The following DOCK3 variants were observed in gnomAD, a reference collection of about 807,000 sequenced individuals.
The protein encoded by DOCK3 is dedicator of cytokinesis protein 3.
DOCK3 carries 60 observed loss-of-function variants against 265.6 expected under a neutral mutation model. The ratio of observed to expected loss-of-function variants is 0.23; its 90% CI spans 0.18 to 0.28. The LOEUF (loss-of-function observed/expected upper bound fraction) is 0.28. Ranked by LOEUF, DOCK3 falls within the 10% of genes least tolerant of loss-of-function variation. DOCK3 has a pLI of 1.00. For synonymous variants in DOCK3, 881 were observed against 938.0 expected (o/e 0.94, Z 1.11); for missense variants, 1,981 against 2,594.3 (o/e 0.76, Z 5.14).
intron 2 of DOCK3, among the ~76,000 whole-genome samples, chr3:50,815,549 C>T (rs1415569075): frequency 6.6e-6 from 1 of 152,064 alleles, no homozygotes; most frequent in African/African-American, 2.4e-5. Context: ...TTTTCTTGGT[C>T]AGTTTTCTAA....
intron 9 of DOCK3, among the ~76,000 whole-genome samples, chr3:51,116,581 C>T (rs886105650): frequency 6.7e-6 from 1 of 149,818 alleles, no homozygotes; most frequent in Non-Finnish European, 1.5e-5. Context: ...GATATTGATT[C>T]TTCCTATCCA....
intron 5 of DOCK3, among the ~76,000 whole-genome samples, chr3:50,998,885 T>C (rs946629116): frequency 6.6e-6 from 1 of 152,232 alleles, no homozygotes; most frequent in African/African-American, 2.4e-5. Flanking sequence ...AGAAGTTATT[T>C]CCTTTGGACA....
chr3:50,782,289 A>ATTTTTTTTTTTTTTTTTTTTT (rs71084112), intron 2 of DOCK3, among the ~76,000 whole-genome samples: 1 of 110,042 alleles, frequency 9.1e-6, no homozygotes, highest in Non-Finnish European at 1.7e-5. Flanking sequence ...AGTACCTGTT[A>ATTTTTTTTTTTTTTTTTTTTT]TTTTTTTTTT....
chr3:50,686,551 T>C (rs572663752), intron 1 of DOCK3, among the ~76,000 whole-genome samples: 1 of 152,296 alleles, frequency 6.6e-6, no homozygotes, highest in African/African-American at 2.4e-5. Context: ...CAGACTCTTT[T>C]GAAAGCTGAG....
chr3:51,109,264 T>C (rs2083416656), intron 9 of DOCK3, among the ~76,000 whole-genome samples: 1 of 152,158 alleles, frequency 6.6e-6, no homozygotes, highest in Non-Finnish European at 1.5e-5. Context: ...GACAACTTGC[T>C]CCTGAATGAC....
At chr3:50,822,945 A>G (rs574972782) in intron 2 of DOCK3, among the ~76,000 whole-genome samples, 15 of 152,320 alleles carry the variant, frequency 9.8e-5, no homozygotes, top group Admixed American at 9.8e-4. Context: ...TCTTGTAGCT[A>G]TAAAGACTTC....
chr3:50,993,629 G>A (rs1403181434), intron 5 of DOCK3, among the ~76,000 whole-genome samples: 3 of 152,090 alleles, frequency 2.0e-5, no homozygotes, highest in Non-Finnish European at 4.4e-5. Flanking sequence ...TCACCATCTG[G>A]TTCTCTATAG....
chr3:50,707,343 A>G (rs1416852823), intron 1 of DOCK3, among the ~76,000 whole-genome samples: 1 of 151,914 alleles, frequency 6.6e-6, no homozygotes, highest in Non-Finnish European at 1.5e-5. Context: ...AGGCTGAGGC[A>G]TGAGAATCAC....
intron 12 of DOCK3, among the ~76,000 whole-genome samples, chr3:51,169,028 A>G (rs1560154758): frequency 6.6e-6 from 1 of 152,230 alleles, no homozygotes. Context: ...AACCAAAATC[A>G]CAATGAGATA....
At position 50,914,272 on chromosome 3, in the gene DOCK3, T is replaced by A. The variant is rs139559736; in HGVS notation, c.219-19709T>A. On this transcript the variant is annotated intron_variant, in intron 4 of 52. Transcript: ENST00000266037. ...TGCTCATCTAATTATTTACATTCAT[T>A]CTTGTTGTTCATTTGAGGTTGTTCA... Among the ~76,000 whole-genome samples the A allele has an allele frequency of 2.5e-3, 376 of 152,136 alleles. 7 individuals carry two copies. The highest frequency in any genetic ancestry group is 8.8e-3 in the African/African-American group (366 of 41,472).
intron 7 of DOCK3, among the ~76,000 whole-genome samples, chr3:51,084,298 A>G (rs1173362781): frequency 1.3e-5 from 2 of 152,186 alleles, no homozygotes; most frequent in Admixed American, 1.3e-4. Context: ...TAATCAAACT[A>G]TTAAAAATCA....
intron 49 of DOCK3, among the ~76,000 whole-genome samples, chr3:51,364,915 A>G (rs972636192): frequency 6.6e-6 from 1 of 152,184 alleles, no homozygotes; most frequent in Non-Finnish European, 1.5e-5. Flanking sequence ...GCCAGATAGT[A>G]TGATGCCTCC....
chr3:50,872,482 C>G (rs940839725), intron 3 of DOCK3, among the ~76,000 whole-genome samples: 1 of 152,242 alleles, frequency 6.6e-6, no homozygotes, highest in South Asian at 2.1e-4. Context: ...TGTGCTGGGT[C>G]AGACCTGAAG....
chr3:51,179,158 C>T (rs75856759), intron 12 of DOCK3, among the ~76,000 whole-genome samples: 2,363 of 152,260 alleles, frequency 0.016, 52 homozygotes, highest in African/African-American at 0.053. Context: ...ACAAACAGAA[C>T]ACATCTTTTC....
intron 49 of DOCK3, among the ~76,000 whole-genome samples, chr3:51,364,105 A>G (rs1314003185): frequency 2.0e-5 from 3 of 152,242 alleles, no homozygotes; most frequent in African/African-American, 4.8e-5. Flanking sequence ...TCCCACCAAC[A>G]GTGTAAAAGT....
At chr3:51,330,944 C>T (rs1361855068) in intron 33 of DOCK3, among the ~76,000 whole-genome samples, 5 of 152,184 alleles carry the variant, frequency 3.3e-5, no homozygotes, top group Non-Finnish European at 7.3e-5. Context: ...TGTTTTAGTA[C>T]CATTTTGAAG....
intron 1 of DOCK3, among the ~76,000 whole-genome samples, chr3:50,698,156 T>TATA (rs1197680248): frequency 6.6e-6 from 1 of 152,100 alleles, no homozygotes; most frequent in Non-Finnish European, 1.5e-5. Context: ...AAAGAAATCC[T>TATA]ATACCCATTA....
intron 3 of DOCK3, among the ~76,000 whole-genome samples, chr3:50,861,713 TAA>T (rs1376188336): frequency 6.6e-6 from 1 of 151,996 alleles, no homozygotes; most frequent in African/African-American, 2.4e-5. Context: ...TTGCTGGTCT[TAA>T]GTCTGTTTTA....
At chr3:51,192,159 A>T (rs1033483989) in intron 12 of DOCK3, among the ~76,000 whole-genome samples, 1 of 151,330 alleles carries the variant, frequency 6.6e-6, no homozygotes, top group Non-Finnish European at 1.5e-5. Context: ...GCCTAGACCA[A>T]TTTCCAGCAG....
Sources: allele counts gnomAD v4.1 joint callset (sites outside exome capture counted in the v4.1 genomes callset), GRCh38; gene constraint gnomAD v4.1.1; transcripts MANE v1.5; gene names NCBI Gene and HGNC (gene_info 2026-07-23, HGNC 2026-07-21).